GRM3: variants seen among roughly 807,000 people sequenced by gnomAD.
The protein encoded by GRM3 is glutamate metabotropic receptor 3.
GRM3 carries 26 observed loss-of-function variants against 70.5 expected under a neutral mutation model. The observed-to-expected ratio is 0.37, with a 90% CI of 0.27 to 0.51. GRM3 has a LOEUF of 0.51. Ranked by LOEUF, GRM3 falls within the 20% of genes least tolerant of loss-of-function variation. The pLI, the probability that GRM3 is intolerant of heterozygous loss-of-function variation, is 0.93. For missense variants in GRM3, 859 were observed against 1,123.8 expected (o/e 0.76, Z 3.37); for synonymous variants, 443 against 434.9 (o/e 1.02, Z -0.23).
intron 1 of GRM3, among the ~76,000 whole-genome samples, chr7:86,677,809 T>C (rs1429858439): frequency 6.6e-6 from 1 of 151,898 alleles, no homozygotes; most frequent in Non-Finnish European, 1.5e-5. Flanking sequence ...GAAACTAAGA[T>C]TAAATTATAG....
chr7:86,768,047 CA>C (rs1796650386), intron 2 of GRM3, among the ~76,000 whole-genome samples: 1 of 151,940 alleles, frequency 6.6e-6, no homozygotes, highest in Non-Finnish European at 1.5e-5. Flanking sequence ...ATAAAAGACC[CA>C]AAACTATCAT....
chr7:86,711,040 G>GCTC, intron 1 of GRM3, among the ~76,000 whole-genome samples: 1 of 152,020 alleles, frequency 6.6e-6, no homozygotes, highest in Non-Finnish European at 1.5e-5. Flanking sequence ...GCTCTACCAT[G>GCTC]TAGTAGCTGT....
intron 2 of GRM3, among the ~76,000 whole-genome samples, chr7:86,774,750 C>CCAT (rs1409110149): frequency 6.6e-6 from 1 of 152,004 alleles, no homozygotes; most frequent in Non-Finnish European, 1.5e-5. Context: ...TCGGTAGATA[C>CCAT]CATAAGGTTC....
At chr7:86,669,982 TCTC>T (rs1401698579) in intron 1 of GRM3, among the ~76,000 whole-genome samples, 1 of 152,106 alleles carries the variant, frequency 6.6e-6, no homozygotes, top group African/African-American at 2.4e-5. Context: ...TCCAACAACT[TCTC>T]CTCAGTTCTC....
intron 3 of GRM3, among the ~76,000 whole-genome samples, chr7:86,790,771 TA>T (rs1319284887): frequency 2.0e-5 from 3 of 152,162 alleles, no homozygotes; most frequent in African/African-American, 7.2e-5. Context: ...TTTCTGTGGT[TA>T]ATCCATTCCC....
intron 1 of GRM3, among the ~76,000 whole-genome samples, chr7:86,716,179 G>A (rs2214653): frequency 0.36 from 54,880 of 151,766 alleles, 12,213 homozygotes; most frequent in East Asian, 0.71. Flanking sequence ...GAAAGTCAAG[G>A]TGGGGCTCAG....
intron 3 of GRM3, among the ~76,000 whole-genome samples, chr7:86,810,067 T>G (rs903886078): frequency 1.1e-4 from 17 of 152,038 alleles, no homozygotes; most frequent in African/African-American, 4.1e-4. Context: ...TGTAGTAAAC[T>G]CTAATGATCC....
Position 86,786,664 on chromosome 7 carries a change from C to T in GRM3, c.872C>T (p.Ala291Val), listed in dbSNP as rs779669994. The T allele has an allele frequency of 2.5e-6, 4 of 1,611,902 alleles. No homozygotes were observed. The highest frequency in any genetic ancestry group is 3.3e-4 in the Middle Eastern group (2 of 6,082). Residue 291 changes from alanine (A) to valine (V), a missense_variant, in exon 3 of 6, where the codon GCC (alanine) becomes GTC (valine). Ala to Val is a moderately conservative substitution (Grantham distance 64, BLOSUM62 0). Coordinates refer to ENST00000361669, the MANE Select transcript of GRM3 (RefSeq NM_000840.3). This position sits in a 1 kb window ranked among gnomAD's most constrained non-coding sequence, Gnocchi z 6.0. The stretch of plus-strand genomic sequence containing the variant: ...GAGCTCATTGCAGCCGCCAGCCGCG[C>T]CAATGCCTCCTTCACCTGGGTGGCC... The part of the protein sequence containing the change: ...SRELIAAASR[A>V]NASFTWVASD...
intron 4 of GRM3, among the ~76,000 whole-genome samples, chr7:86,844,088 A>G (rs964740703): frequency 3.9e-5 from 6 of 152,180 alleles, no homozygotes; most frequent in African/African-American, 1.4e-4. Context: ...GAAACAATTT[A>G]CCTAGAGTAG....
intron 2 of GRM3, among the ~76,000 whole-genome samples, chr7:86,785,589 A>G (rs186902361): frequency 6.6e-6 from 1 of 151,996 alleles, no homozygotes; most frequent in Admixed American, 6.5e-5. Context: ...AAATATTTTA[A>G]AAAGAAAAAG....
chr7:86,652,969 G>A (rs539108464), intron 1 of GRM3, among the ~76,000 whole-genome samples: 34 of 152,338 alleles, frequency 2.2e-4, no homozygotes, highest in African/African-American at 7.9e-4. Context: ...CTTGGGATTT[G>A]AGAAACATTG....
chr7:86,710,281 C>T (rs764619724), intron 1 of GRM3: 2 of 151,700 alleles, frequency 1.3e-5, no homozygotes, highest in Non-Finnish European at 2.9e-5. Flanking sequence ...TTTAAAATGC[C>T]TATTTTTTTT....
chr7:86,829,361 G>A (rs1049277573), intron 3 of GRM3, among the ~76,000 whole-genome samples: 2 of 152,178 alleles, frequency 1.3e-5, no homozygotes, highest in African/African-American at 4.8e-5. Flanking sequence ...TACCATTTGT[G>A]TGCTTGCTGG....
chr7:86,724,716 T>C (rs935976003), intron 1 of GRM3, among the ~76,000 whole-genome samples: 4 of 152,126 alleles, frequency 2.6e-5, no homozygotes, highest in Non-Finnish European at 4.4e-5. Context: ...AAATCCTAAC[T>C]GATGTCTCTG....
intron 5 of GRM3, among the ~76,000 whole-genome samples, chr7:86,862,353 G>T (rs1166756962): frequency 6.6e-6 from 1 of 151,972 alleles, no homozygotes; most frequent in African/African-American, 2.4e-5. Flanking sequence ...CTGGAATTAG[G>T]TACAATATAT....
chr7:86,814,779 T>G (rs546427255), intron 3 of GRM3, among the ~76,000 whole-genome samples: 11 of 151,344 alleles, frequency 7.3e-5, no homozygotes, highest in Admixed American at 3.3e-4. Context: ...GCAATTTGAT[T>G]GCTGGTGTAA....
At chr7:86,685,629 G>A (rs142133118) in intron 1 of GRM3, among the ~76,000 whole-genome samples, 1 of 152,242 alleles carries the variant, frequency 6.6e-6, no homozygotes, top group Non-Finnish European at 1.5e-5. Context: ...AATGGGGGCC[G>A]GGCACGGTGG....
intron 1 of GRM3, among the ~76,000 whole-genome samples, chr7:86,691,284 T>C (rs1055421208): frequency 3.3e-5 from 5 of 152,184 alleles, no homozygotes; most frequent in African/African-American, 9.6e-5. Context: ...TCTTCCGGTT[T>C]CTACCTTGGC....
chr7:86,760,494 T>C (rs1024474421), intron 1 of GRM3, among the ~76,000 whole-genome samples: 1 of 152,064 alleles, frequency 6.6e-6, no homozygotes, highest in South Asian at 2.1e-4. Context: ...GTGGCTGCAG[T>C]AGGGAGCCTG....
Sources: gnomAD v4.1 joint callset for allele counts (sites outside exome capture counted in the v4.1 genomes callset) on GRCh38, gnomAD v4.1.1 for gene constraint, Gnocchi (gnomAD v3.1) non-coding constraint, MANE v1.5 for transcripts, NCBI Gene and HGNC (gene_info 2026-07-23, HGNC 2026-07-21) for gene names.